ZDHHC19: variants seen among roughly 807,000 people sequenced by gnomAD.
ZDHHC19 encodes the protein palmitoyltransferase ZDHHC19.
Under a neutral mutation model 33.9 loss-of-function variants are expected in ZDHHC19, and 30 were observed. The observed-to-expected ratio is 0.88, with a 90% CI of 0.66 to 1.20. The LOEUF (loss-of-function observed/expected upper bound fraction) is 1.20, where lower values mean the gene tolerates loss of function less well. ZDHHC19 is among the 50% of genes most tolerant of loss of function. The pLI is 0.00. For synonymous variants in ZDHHC19, 178 were observed against 167.6 expected (o/e 1.06, Z -0.48); for missense variants, 364 against 401.1 (o/e 0.91, Z 0.79).
chr3:196,200,487 T>C (rs1344588895), intron 5 of ZDHHC19, among the ~76,000 whole-genome samples: 4 of 147,404 alleles, frequency 2.7e-5, no homozygotes, highest in Non-Finnish European at 5.9e-5. Flanking sequence ...CCCAAGTAGC[T>C]GGGATTACAG....
At chr3:196,210,813 G>A (rs1723244405) in intron 1 of ZDHHC19, 76 bp from the exon 2 acceptor site, 1 of 1,548,226 alleles carries the variant, frequency 6.5e-7, no homozygotes, top group Admixed American at 2.1e-5. Flanking sequence ...GCTTGCTCAG[G>A]TCAGGACCCA....
At chr3:196,210,848 A>AG in intron 1 of ZDHHC19, 111 bp from the exon 2 acceptor site, 1 of 1,457,610 alleles carries the variant, frequency 6.9e-7, no homozygotes, top group Non-Finnish European at 9.1e-7. Context: ...AGATCTAAAA[A>AG]TCCAGGCTCC....
intron 1 of ZDHHC19, 115 bp from the exon 2 acceptor site, chr3:196,210,852 A>G: frequency 1.4e-6 from 2 of 1,447,286 alleles, no homozygotes; most frequent in Non-Finnish European, 1.8e-6. Context: ...CTAAAAATCC[A>G]GGCTCCAAAT....
intron 7 of ZDHHC19, among the ~76,000 whole-genome samples, chr3:196,198,030 T>C (rs1036651259): frequency 1.3e-5 from 2 of 152,128 alleles, no homozygotes; most frequent in Admixed American, 6.5e-5. Flanking sequence ...CTGAGGCCCA[T>C]CAGCACATGT....
intron 5 of ZDHHC19, among the ~76,000 whole-genome samples, chr3:196,205,067 C>G (rs567252293): frequency 2.2e-4 from 34 of 152,294 alleles, no homozygotes; most frequent in African/African-American, 7.2e-4. Context: ...GATCGAGCCA[C>G]TGCACTCCAT....
At chr3:196,210,313 AAAGGAAAG>A (rs1560142550) in intron 2 of ZDHHC19, among the ~76,000 whole-genome samples, 1 of 135,408 alleles carries the variant, frequency 7.4e-6, no homozygotes, top group East Asian at 2.1e-4. Context: ...AGAGAGGAAG[AAAGGAAAG>A]AAGGAAAGAA....
intron 5 of ZDHHC19, among the ~76,000 whole-genome samples, chr3:196,200,327 G>GATATATATATATATATATATGTATATAT (rs374551956): frequency 5.1e-5 from 6 of 116,792 alleles, no homozygotes; most frequent in South Asian, 2.5e-4. Flanking sequence ...AAAATTTAGG[G>GATATATATATATATATATATGTATATAT]ATATATATAT....
intron 3 of ZDHHC19, chr3:196,209,132 A>G: frequency 2.0e-6 from 1 of 500,474 alleles, no homozygotes; most frequent in East Asian, 3.4e-5. Context: ...GGCCTGACCC[A>G]GCCCAGGACA....
At chr3:196,200,529 T>G (rs976879237) in intron 5 of ZDHHC19, among the ~76,000 whole-genome samples, 1 of 150,202 alleles carries the variant, frequency 6.7e-6, no homozygotes, top group Non-Finnish European at 1.5e-5. Context: ...TAATTTTTTG[T>G]ATTTTTAGTA....
chr3:196,198,945 C>A, intron 5 of ZDHHC19, 71 bp from the exon 6 acceptor site: 1 of 1,504,524 alleles, frequency 6.6e-7, no homozygotes, highest in African/African-American at 1.4e-5. Flanking sequence ...CCCAGTGGCC[C>A]TCCCTGAGCT....
chr3:196,200,896 C>G (rs1417737166), intron 5 of ZDHHC19, among the ~76,000 whole-genome samples: 1 of 151,586 alleles, frequency 6.6e-6, no homozygotes, highest in Non-Finnish European at 1.5e-5. Context: ...GCGATCTTCC[C>G]ACCTCAGCCT....
At chr3:196,201,892 C>A (rs571123644) in intron 5 of ZDHHC19, among the ~76,000 whole-genome samples, 1 of 152,308 alleles carries the variant, frequency 6.6e-6, no homozygotes, top group South Asian at 2.1e-4. Flanking sequence ...CCCAACCCCC[C>A]TCTCCCCATT....
In ZDHHC19 at chr3:196,211,175, T is replaced by C; in HGVS notation, c.141A>G (p.Ala47=). The change falls in exon 1 of 8, where the codon GCA becomes GCG. Residue 47 remains alanine, a synonymous_variant. Coordinates refer to ENST00000296326, the MANE Select transcript of ZDHHC19 (RefSeq NM_001039617.2). Reference sequence around the variant, plus strand: ...GGCTTGCCTGGAAAACTCACGGGAATGCGAAGAAGAGGCCACTGAAAAAGA... The same window carrying C: ...GGCTTGCCTGGAAAACTCACGGGAACGCGAAGAAGAGGCCACTGAAAAAGA... The part of the protein sequence containing the change: ...LLVFFSGLFF[A]FPCRWLAQNG... The C allele has an allele frequency of 6.2e-7, 1 of 1,614,080 alleles. No homozygotes were observed.
At chr3:196,210,101 G>A (rs1723094277) in intron 2 of ZDHHC19, among the ~76,000 whole-genome samples, 1 of 152,068 alleles carries the variant, frequency 6.6e-6, no homozygotes, top group Non-Finnish European at 1.5e-5. Context: ...TGAGGCAGAC[G>A]AATCGCTTGA....
intron 5 of ZDHHC19, among the ~76,000 whole-genome samples, chr3:196,204,680 G>A (rs775641559): frequency 7.2e-5 from 11 of 152,046 alleles, no homozygotes; most frequent in Non-Finnish European, 1.2e-4. Flanking sequence ...GTCTTATACC[G>A]GCTTAAACAA....
chr3:196,208,352 C>A, intron 4 of ZDHHC19, 36 bp downstream of exon 4: 4 of 1,609,026 alleles, frequency 2.5e-6, no homozygotes, highest in Non-Finnish European at 1.7e-6. Context: ...TTGGCTGTCC[C>A]CGCCTCCTCT....
intron 2 of ZDHHC19, among the ~76,000 whole-genome samples, chr3:196,210,024 T>C (rs1294052351): frequency 6.6e-6 from 1 of 151,596 alleles, no homozygotes; most frequent in Non-Finnish European, 1.5e-5. Flanking sequence ...ACCCCATCTC[T>C]ACTAAAAATA....
chr3:196,208,786 C>T (rs1387692343), intron 3 of ZDHHC19: 2 of 555,590 alleles, frequency 3.6e-6, no homozygotes, highest in African/African-American at 3.8e-5. Context: ...GTCAGAAGAC[C>T]TTTAGAGAGA....
intron 1 of ZDHHC19, 59 bp downstream of exon 1, chr3:196,211,111 C>T: frequency 1.2e-6 from 2 of 1,613,302 alleles, no homozygotes; most frequent in South Asian, 2.2e-5. Context: ...ATCCTATCAT[C>T]TTCTGTTTCC....
Sources: allele counts gnomAD v4.1 joint callset (sites outside exome capture counted in the v4.1 genomes callset), GRCh38; gene constraint gnomAD v4.1.1; transcripts MANE v1.5; gene names NCBI Gene and HGNC (gene_info 2026-07-23, HGNC 2026-07-21).